ABR: variants seen among roughly 807,000 people sequenced by gnomAD.
The protein encoded by ABR is ABR activator of RhoGEF and GTPase.
Under a neutral mutation model 107.2 loss-of-function variants are expected in ABR, and 35 were observed. The observed-to-expected ratio is 0.33, with a 90% CI of 0.25 to 0.43. The LOEUF is 0.43. Among genes scored for constraint, ABR ranks in the 20% least tolerant of loss-of-function variants. The pLI is 1.00. For missense variants in ABR, 815 were observed against 1,115.2 expected (o/e 0.73, Z 3.83); for synonymous variants, 498 against 462.0 (o/e 1.08, Z -1.00).
chr17:1,042,183 C>T (rs1303888861), intron 16 of ABR, among the ~76,000 whole-genome samples: 3 of 150,920 alleles, frequency 2.0e-5, no homozygotes, highest in African/African-American at 4.9e-5. Flanking sequence ...GACGGACAGA[C>T]GGATAAACAG....
At chr17:1,196,044 G>T (rs561207509) in intron 1 of ABR, among the ~76,000 whole-genome samples, 1 of 147,768 alleles carries the variant, frequency 6.8e-6, no homozygotes, top group Non-Finnish European at 1.5e-5. Flanking sequence ...CACGAGGATC[G>T]CTTGAACCAA....
intron 1 of ABR, among the ~76,000 whole-genome samples, chr17:1,159,528 CGGT>C (rs2041190691): frequency 1.3e-5 from 1 of 78,850 alleles, no homozygotes; most frequent in African/African-American, 4.6e-5. Context: ...AGTAGGAATG[CGGT>C]ACTCACACAC....
intron 2 of ABR, among the ~76,000 whole-genome samples, chr17:1,123,102 G>C (rs1421842396): frequency 6.6e-6 from 1 of 152,142 alleles, no homozygotes; most frequent in Non-Finnish European, 1.5e-5. Context: ...GCTCCCTCCA[G>C]GCACCCCGTG....
At position 1,005,393 on chromosome 17, in the gene ABR, GTC is replaced by G. The variant is rs1307570310; in HGVS notation, c.*685_*686del. 14 of 376,020 alleles carry G rather than the reference GTC, an allele frequency of 3.7e-5. No individual in the cohort carries two copies. Among genetic ancestry groups the G allele is most frequent in the Admixed American group, 1.8e-4 (4 of 21,892 alleles). The allele number at this position is 376,020 out of a possible 1,614,324, so 23.3% of individuals were successfully genotyped here. A position where few individuals can be genotyped will look rare whatever the true frequency, so the allele number is the denominator to read the frequency against. On this transcript the variant is annotated 3_prime_UTR_variant, in exon 23 of 23. Coordinates refer to ENST00000302538, the MANE Select transcript of ABR (RefSeq NM_021962.5). ...CTAAGCTGGGGACGAGTGTGAGTGT[GTC>G]TGCTTGTCCAACATTTGCACAGGCA...
At chr17:1,014,246 C>A in intron 16 of ABR, among the ~76,000 whole-genome samples, 1 of 151,864 alleles carries the variant, frequency 6.6e-6, no homozygotes. Context: ...TCGAGACCAT[C>A]CTGGCTAACA....
At chr17:1,009,825 G>A in intron 20 of ABR, 41 bp from the exon 21 acceptor site, 1 of 1,566,520 alleles carries the variant, frequency 6.4e-7, no homozygotes, top group Middle Eastern at 1.7e-4. Flanking sequence ...GGCTCCTGGG[G>A]CTCCCCGCCA....
intron 2 of ABR, chr17:1,109,102 C>G: frequency 7.1e-7 from 1 of 1,403,234 alleles, no homozygotes; most frequent in Non-Finnish European, 9.5e-7. Context: ...AGACAGGAAG[C>G]GGGGTCCACG....
rs2042997044 is a variant in ABR at position 1,215,930 on chromosome 17, T to G, written c.838+12863A>C. Among the ~76,000 whole-genome samples the G allele has an allele frequency of 2.1e-5, 3 of 141,882 alleles. No individual in the cohort carries two copies. In the South Asian group the frequency reaches 7.4e-4, roughly 35 times the overall value. The allele number at this position is 141,882 out of a possible 152,430, so 93.1% of individuals were successfully genotyped here. A position where few individuals can be genotyped will look rare whatever the true frequency, so the allele number is the denominator to read the frequency against. The stretch of plus-strand genomic sequence containing the variant: ...CTGTGTCCACTCAGGGTAAATGGAT[T>G]AAGGGCGGTGCAAGATGTGCTTTGT... On this transcript the variant is annotated intron_variant, in intron 1 of 22. Transcript: ENST00000574139.
chr17:1,012,221 A>T, intron 18 of ABR: 1 of 705,652 alleles, frequency 1.4e-6, no homozygotes, highest in Non-Finnish European at 2.5e-6. Flanking sequence ...GGAACTTGGG[A>T]AGGTAAGGCC....
At chr17:1,122,506 C>G (rs553391510) in intron 2 of ABR, among the ~76,000 whole-genome samples, 2 of 152,194 alleles carry the variant, frequency 1.3e-5, no homozygotes, top group Admixed American at 6.5e-5. Flanking sequence ...ACTACCTGAG[C>G]GTGAGCTGGG....
intron 3 of ABR, among the ~76,000 whole-genome samples, chr17:1,093,197 G>A (rs552278929): frequency 4.0e-5 from 6 of 151,846 alleles, no homozygotes; most frequent in Admixed American, 6.6e-5. Context: ...GGCTGGTCAC[G>A]GTGGCTCACA....
intron 14 of ABR, among the ~76,000 whole-genome samples, chr17:1,055,109 G>A (rs1346732854): frequency 2.6e-5 from 4 of 152,176 alleles, no homozygotes; most frequent in Admixed American, 6.5e-5. Context: ...AGCAGCTCAC[G>A]CCTGTAATCT....
rs1057371442 is a variant in ABR at position 1,150,191 on chromosome 17, G to C, written c.62-24824C>G. On this transcript the variant is annotated intron_variant, in intron 1 of 22. Transcript: ENST00000302538. This position sits in a 1 kb window ranked among gnomAD's most constrained non-coding sequence, Gnocchi z 4.8. ...TGAGATTACAGACGTGAGCCACCGC[G>C]CCCGGCCTGTGTCAGAATTTTTTTT... Among the ~76,000 whole-genome samples the C allele has an allele frequency of 6.6e-6, 1 of 151,874 alleles. No individual in the cohort carries two copies. The highest frequency in any genetic ancestry group is 6.6e-5 in the Admixed American group (1 of 15,210).
chr17:1,113,277 GATTTT>G (rs2038806764), intron 2 of ABR, among the ~76,000 whole-genome samples: 2 of 88,172 alleles, frequency 2.3e-5, no homozygotes, highest in Admixed American at 1.2e-4. Context: ...CACCTATTGC[GATTTT>G]TTTTTTTTTT....
chr17:1,211,140 G>A lies in ABR; in HGVS notation c.838+17653C>T, dbSNP rs371257545. Among the ~76,000 whole-genome samples, 190 of 152,256 alleles carry A rather than the reference G, an allele frequency of 1.2e-3. 2 individuals are homozygous for A. The highest frequency in any genetic ancestry group is 3.4e-3 in the African/African-American group (141 of 41,540). The stretch of plus-strand genomic sequence containing the variant: ...TAAAAAATACAAAAATTAGCCAGGC[G>A]TGGTGGCAGACGCCCATAGTCCCAG... On this transcript the variant is annotated intron_variant, in intron 1 of 22. Coordinates refer to the ABR transcript ENST00000574139.
At chr17:1,161,418 AT>A (rs10715754) in intron 1 of ABR, among the ~76,000 whole-genome samples, 96,607 of 151,338 alleles carry the variant, frequency 0.64, 31,181 homozygotes, top group African/African-American at 0.73. Flanking sequence ...ATTTTTTAAA[AT>A]TTTTTTTGTA....
chr17:1,137,519 C>T (rs1306309248), intron 1 of ABR, among the ~76,000 whole-genome samples: 6 of 152,162 alleles, frequency 3.9e-5, no homozygotes, highest in Non-Finnish European at 4.4e-5. Flanking sequence ...GAACACACAA[C>T]GTTCATAGAT....
At chr17:1,041,827 G>A (rs1295283380) in intron 16 of ABR, among the ~76,000 whole-genome samples, 1 of 152,184 alleles carries the variant, frequency 6.6e-6, no homozygotes, top group African/African-American at 2.4e-5. Flanking sequence ...GGGTGACTGC[G>A]TCTGCATTCG....
At chr17:1,095,971 C>T (rs1454299391) in intron 3 of ABR, among the ~76,000 whole-genome samples, 2 of 152,196 alleles carry the variant, frequency 1.3e-5, no homozygotes, top group Admixed American at 6.5e-5. Flanking sequence ...GAGGGCCAGT[C>T]GTGGCCAGCG....
Sources: allele counts gnomAD v4.1 joint callset (sites outside exome capture counted in the v4.1 genomes callset), GRCh38; gene constraint gnomAD v4.1.1; non-coding constraint Gnocchi (gnomAD v3.1); transcripts MANE v1.5; gene names NCBI Gene and HGNC (gene_info 2026-07-23, HGNC 2026-07-21).